HPSE2: variants seen among roughly 807,000 people sequenced by gnomAD.
HPSE2 encodes the protein heparanase 2 (inactive), also known as inactive heparanase-2.
In HPSE2, 38 loss-of-function variants were observed where a neutral mutation model predicts 60.5. The ratio of observed to expected loss-of-function variants is 0.63; its 90% confidence interval spans 0.48 to 0.82. The LOEUF (loss-of-function observed/expected upper bound fraction) is 0.82. Ranked by LOEUF, HPSE2 falls within the 40% of genes least tolerant of loss-of-function variation. The pLI is 0.00. For synonymous variants in HPSE2, 295 were observed against 293.2 expected (o/e 1.01, Z -0.06); for missense variants, 713 against 740.4 (o/e 0.96, Z 0.43).
At chr10:99,292,570 A>C in the HPSE2 span, among the ~76,000 whole-genome samples, 7 of 152,196 alleles carry the variant, frequency 4.6e-5, no homozygotes, top group Non-Finnish European at 1.0e-4. Context: ...CAGAAAAATA[A>C]TGAGAACCAC....
At chr10:98,955,835 C>G (rs1188094992) in intron 3 of HPSE2, among the ~76,000 whole-genome samples, 1 of 152,134 alleles carries the variant, frequency 6.6e-6, no homozygotes, top group Non-Finnish European at 1.5e-5. Flanking sequence ...AAGCCATTAT[C>G]CTCAGCACAC....
chr10:98,842,613 C>T (rs938607840), intron 3 of HPSE2, among the ~76,000 whole-genome samples: 3 of 151,088 alleles, frequency 2.0e-5, no homozygotes, highest in Non-Finnish European at 4.4e-5. Context: ...CCTATATATG[C>T]CCTGTCCCTG....
Position 98,713,373 on chromosome 10 carries a change from T to A in HPSE2, c.956+8284A>T, listed in dbSNP as rs368795496. 5.3e-5 allele frequency among the ~76,000 whole-genome samples: 8 copies of A among 152,094 alleles called. No homozygotes were observed. The East Asian group carries it at 1.4e-3, about 26-fold the overall frequency. On this transcript the variant is annotated intron_variant, in intron 5 of 11. Transcript: ENST00000370552. ...GTGAACAGATAGGAGGGGAACAAGA[T>A]GCACGCAAGCAGAGTAGTAATGAGG...
intron 3 of HPSE2, among the ~76,000 whole-genome samples, chr10:98,816,395 T>C (rs550362721): frequency 2.9e-4 from 44 of 152,220 alleles, no homozygotes; most frequent in African/African-American, 1.0e-3. Context: ...AACAGCAGCA[T>C]AAACGATGGA....
intron 3 of HPSE2, among the ~76,000 whole-genome samples, chr10:98,804,901 A>G (rs1440706884): frequency 1.3e-5 from 2 of 152,184 alleles, no homozygotes; most frequent in Non-Finnish European, 2.9e-5. Context: ...TAACATATAA[A>G]TAAATAAATA....
chr10:99,241,350 T>A, the HPSE2 span, among the ~76,000 whole-genome samples: 3,104 of 152,326 alleles, frequency 0.02, 112 homozygotes, highest in East Asian at 0.15. Flanking sequence ...TAAACTTGGA[T>A]AAAATTTTTA....
intron 4 of HPSE2, among the ~76,000 whole-genome samples, chr10:98,731,379 A>G (rs1322907320): frequency 2.0e-5 from 3 of 152,338 alleles, no homozygotes; most frequent in East Asian, 3.9e-4. Context: ...AATATTTACA[A>G]AGTAAGTCCA....
At chr10:98,876,342 A>G (rs1420960794) in intron 3 of HPSE2, among the ~76,000 whole-genome samples, 2 of 151,898 alleles carry the variant, frequency 1.3e-5, no homozygotes, top group Middle Eastern at 3.2e-3. Context: ...CTAGGCTGTT[A>G]GTTATAAATG....
chr10:99,315,135 C>G, the HPSE2 span, among the ~76,000 whole-genome samples: 1 of 152,186 alleles, frequency 6.6e-6, no homozygotes, highest in African/African-American at 2.4e-5. Context: ...ATTAAATATG[C>G]TTTAATGTTA....
intron 3 of HPSE2, among the ~76,000 whole-genome samples, chr10:98,880,857 C>A: frequency 6.6e-6 from 1 of 152,044 alleles, no homozygotes; most frequent in East Asian, 1.9e-4. Flanking sequence ...AAGCCCCCAT[C>A]TTGTGAACTG....
intron 3 of HPSE2, among the ~76,000 whole-genome samples, chr10:98,884,636 T>A (rs947082817): frequency 1.3e-5 from 2 of 152,122 alleles, no homozygotes; most frequent in African/African-American, 4.8e-5. Context: ...ACAGCATGGT[T>A]TACTCTAGCA....
At chr10:98,848,442 G>A (rs1369556998) in intron 3 of HPSE2, among the ~76,000 whole-genome samples, 3 of 151,500 alleles carry the variant, frequency 2.0e-5, no homozygotes, top group Non-Finnish European at 4.4e-5. Flanking sequence ...AAAAAAATAA[G>A]GTCAAAGAGC....
chr10:99,120,288 G>C (rs189481684), intron 3 of HPSE2, among the ~76,000 whole-genome samples: 1 of 152,152 alleles, frequency 6.6e-6, no homozygotes, highest in East Asian at 1.9e-4. Flanking sequence ...GACATGAAAA[G>C]ACACTTTTTG....
chr10:99,232,210 C>CAT lies in HPSE2; in HGVS notation c.448+137_448+138insAT, dbSNP rs1554926258. ...CCAAATCTGCCCCAACGCGCGCGCG[C>CAT]GCATACACACACACACACACACACA... On this transcript the variant is annotated intron_variant, in intron 2 of 11. Coordinates refer to ENST00000370552, the MANE Select transcript of HPSE2 (RefSeq NM_021828.5). 226 of 779,176 alleles carry CAT rather than the reference C, an allele frequency of 2.9e-4. 3 individuals are homozygous for CAT. Among genetic ancestry groups the CAT allele is most frequent in the Admixed American group, 4.8e-4 (15 of 31,390 alleles). The allele number at this position is 779,176 out of a possible 1,614,324, so 48.3% of individuals were successfully genotyped here.
intron 3 of HPSE2, among the ~76,000 whole-genome samples, chr10:99,129,563 A>T (rs1056724118): frequency 1.3e-5 from 2 of 152,018 alleles, no homozygotes; most frequent in African/African-American, 4.8e-5. Flanking sequence ...CAAGACGGAA[A>T]TTTTTTTAAT....
chr10:98,641,962 A>G, intron 6 of HPSE2, 22 bp from the exon 7 acceptor site: 2 of 1,573,146 alleles, frequency 1.3e-6, no homozygotes, highest in Non-Finnish European at 8.7e-7. Context: ...ATAAAATAAG[A>G]ATCAGATAAA....
chr10:98,929,924 C>A (rs1954595167), intron 3 of HPSE2, among the ~76,000 whole-genome samples: 1 of 143,548 alleles, frequency 7.0e-6, no homozygotes, highest in Non-Finnish European at 1.5e-5. Context: ...TTTCAGTGCC[C>A]ATAAATAAAG....
intron 9 of HPSE2, among the ~76,000 whole-genome samples, chr10:98,506,691 C>G (rs900027729): frequency 2.0e-5 from 3 of 152,174 alleles, no homozygotes; most frequent in Non-Finnish European, 4.4e-5. Flanking sequence ...CTCCTGATCA[C>G]TCCTCAAGTG....
At chr10:99,236,000 T>A, upstream of HPSE2, 1 of 224,838 alleles carries the variant, frequency 4.4e-6, no homozygotes, top group Non-Finnish European at 7.7e-6. Context: ...TGTTTTTTTC[T>A]TTTTTTTTTT....
Sources: allele counts gnomAD v4.1 joint callset (sites outside exome capture counted in the v4.1 genomes callset), GRCh38; gene constraint gnomAD v4.1.1; transcripts MANE v1.5; gene names NCBI Gene and HGNC (gene_info 2026-07-23, HGNC 2026-07-21).